NECTIN3: variants seen among roughly 807,000 people sequenced by gnomAD.
NECTIN3 encodes the protein nectin-3.
Under a neutral mutation model 49.4 loss-of-function variants are expected in NECTIN3, and 8 were observed. The observed-to-expected ratio is 0.16, with a 90% CI of 0.10 to 0.29. NECTIN3 has a LOEUF of 0.29. NECTIN3 is among the 10% of genes least tolerant of loss of function. NECTIN3 has a pLI of 1.00. For synonymous variants in NECTIN3, 277 were observed against 241.1 expected (o/e 1.15, Z -1.38); for missense variants, 581 against 654.6 (o/e 0.89, Z 1.23).
At chr3:111,105,906 A>G (rs771848910) in intron 1 of NECTIN3, among the ~76,000 whole-genome samples, 5 of 150,960 alleles carry the variant, frequency 3.3e-5, no homozygotes, top group Non-Finnish European at 7.4e-5. Flanking sequence ...TGTCGTCTCT[A>G]TTCTGTTTCA....
At chr3:111,108,671 C>A (rs2033318823) in intron 1 of NECTIN3, among the ~76,000 whole-genome samples, 1 of 152,050 alleles carries the variant, frequency 6.6e-6, no homozygotes, top group African/African-American at 2.4e-5. Flanking sequence ...CTGGTGAGGG[C>A]CTCAGGAAGC....
chr3:111,166,836 A>G (rs1435441336), intron 7 of NECTIN3, among the ~76,000 whole-genome samples: 1 of 152,250 alleles, frequency 6.6e-6, no homozygotes, highest in Non-Finnish European at 1.5e-5. Context: ...CTAAAACTAT[A>G]TACTATGTAT....
At chr3:111,090,331 A>G (rs911140317) in intron 1 of NECTIN3, among the ~76,000 whole-genome samples, 1 of 151,936 alleles carries the variant, frequency 6.6e-6, no homozygotes, top group African/African-American at 2.4e-5. Context: ...TTTCCTTTGT[A>G]TAATTCTTCA....
intron 4 of NECTIN3, among the ~76,000 whole-genome samples, chr3:111,124,090 G>A (rs1004315292): frequency 3.9e-4 from 60 of 152,028 alleles, no homozygotes; most frequent in African/African-American, 1.4e-3. Flanking sequence ...TTGTCTTTAA[G>A]CCTGGATACT....
In NECTIN3 at chr3:111,072,906, C is replaced by G. The variant is rs575274003; in HGVS notation, c.160+729C>G. The G allele has an allele frequency of 2.8e-5, 6 of 212,642 alleles. No individual in the cohort carries two copies. In the South Asian group the frequency reaches 4.3e-4, roughly 15 times the overall value. 13.2% of individuals were successfully genotyped at this position (212,642 alleles called of 1,614,324 possible). On this transcript the variant is annotated intron_variant, in intron 1 of 5. Coordinates refer to ENST00000485303, the MANE Select transcript of NECTIN3 (RefSeq NM_015480.3). ...TGTTCTAACCAAAACAGTCACGCGC[C>G]TGTTTCCCATCTCTTGACCCTCGTG...
At chr3:111,095,362 G>C (rs745817245) in intron 1 of NECTIN3, among the ~76,000 whole-genome samples, 13 of 152,200 alleles carry the variant, frequency 8.5e-5, no homozygotes, top group African/African-American at 3.1e-4. Context: ...AATATTTGCT[G>C]TTGAGATACT....
At chr3:111,139,612 C>G (rs1343273899), downstream of NECTIN3, among the ~76,000 whole-genome samples, 4 of 151,782 alleles carry the variant, frequency 2.6e-5, no homozygotes, top group Non-Finnish European at 5.9e-5. Flanking sequence ...ATGCCTAGAT[C>G]TATTAACCCT....
chr3:111,084,062 G>A (rs2031788234), intron 1 of NECTIN3, among the ~76,000 whole-genome samples: 1 of 152,214 alleles, frequency 6.6e-6, no homozygotes, highest in African/African-American at 2.4e-5. Context: ...TCCAGGAAAA[G>A]AGATAAGTGG....
rs1031814701 is a variant in NECTIN3, at chr3:111,080,202, A to G, written c.160+8025A>G. Among the ~76,000 whole-genome samples, 3 of 152,146 alleles carry G rather than the reference A, an allele frequency of 2.0e-5. No individual in the cohort carries two copies. The East Asian group carries it at 5.8e-4, about 29-fold the overall frequency. On this transcript the variant is annotated intron_variant, in intron 1 of 5. Transcript: ENST00000485303. Reference sequence around the variant, plus strand: ...ATTATGTTTGCCGTTTTCAATGAGGAAAGATTTTCAACTTCGGGATTCTTA... The same window carrying G: ...ATTATGTTTGCCGTTTTCAATGAGGGAAGATTTTCAACTTCGGGATTCTTA...
At chr3:111,163,886 A>G (rs1282113443) in intron 7 of NECTIN3, among the ~76,000 whole-genome samples, 1 of 152,098 alleles carries the variant, frequency 6.6e-6, no homozygotes, top group South Asian at 2.1e-4. Context: ...GATCAGATCT[A>G]TAAAGTAAAT....
intron 7 of NECTIN3, among the ~76,000 whole-genome samples, chr3:111,160,951 G>T (rs762454911): frequency 9.2e-5 from 14 of 152,226 alleles, no homozygotes; most frequent in Admixed American, 7.9e-4. Context: ...AGCTTGCAGT[G>T]AGCCGAGGTT....
Position 111,192,414 on chromosome 3 carries a change from G to T in NECTIN3, c.63+1G>T. On this transcript the variant is annotated splice_donor_variant, in intron 1 of 1. Transcript: ENST00000485506. LOFTEE classifies it high-confidence loss of function. ...AGAAGTTGGCAATCTTCAGCACTCTGTAAGTAACTGTGTTGTCGGTATCAG... is the reference window on the plus strand; with the variant it reads ...AGAAGTTGGCAATCTTCAGCACTCTTTAAGTAACTGTGTTGTCGGTATCAG... The T allele has an allele frequency of 5.9e-6, 9 of 1,534,242 alleles. No homozygotes were observed. Among genetic ancestry groups the T allele is most frequent in the African/African-American group, 1.4e-5 (1 of 73,134 alleles).
intron 2 of NECTIN3, among the ~76,000 whole-genome samples, chr3:111,116,826 A>C (rs2033707016): frequency 6.6e-6 from 1 of 152,234 alleles, no homozygotes; most frequent in East Asian, 1.9e-4. Flanking sequence ...GATTGCAAAC[A>C]TTGAGAAGTC....
At chr3:111,165,687 C>T (rs922872730) in intron 7 of NECTIN3, among the ~76,000 whole-genome samples, 3 of 152,174 alleles carry the variant, frequency 2.0e-5, no homozygotes, top group Admixed American at 2.0e-4. Flanking sequence ...AAAAAGCCGT[C>T]ACAGATAAGT....
intron 1 of NECTIN3, among the ~76,000 whole-genome samples, chr3:111,081,926 C>A (rs1298846001): frequency 6.6e-6 from 1 of 152,132 alleles, no homozygotes; most frequent in East Asian, 1.9e-4. Context: ...ACTGTGGAGT[C>A]CATCCATGAC....
downstream of NECTIN3, among the ~76,000 whole-genome samples, chr3:111,140,672 A>AT (rs2034719781): frequency 6.6e-6 from 1 of 151,882 alleles, no homozygotes; most frequent in African/African-American, 2.4e-5. Context: ...TACTGGTTAA[A>AT]TCTAGATAAG....
At chr3:111,180,863 T>C (rs971835478) in intron 7 of NECTIN3, among the ~76,000 whole-genome samples, 2 of 152,224 alleles carry the variant, frequency 1.3e-5, no homozygotes, top group African/African-American at 4.8e-5. Context: ...TGTCAATGAC[T>C]TCTCAGTTTA....
chr3:111,158,046 T>A (rs2035133155), intron 7 of NECTIN3, among the ~76,000 whole-genome samples: 1 of 152,060 alleles, frequency 6.6e-6, no homozygotes, highest in Non-Finnish European at 1.5e-5. Flanking sequence ...TAAACAAAAA[T>A]TACTTCAAAT....
intron 1 of NECTIN3, chr3:111,192,554 G>C: frequency 1.2e-6 from 1 of 846,682 alleles, no homozygotes; most frequent in South Asian, 1.9e-5. Context: ...GGTAGTCCTT[G>C]AATTTTACTC....
Sources: allele counts gnomAD v4.1 joint callset (sites outside exome capture counted in the v4.1 genomes callset), GRCh38; gene constraint gnomAD v4.1.1; transcripts MANE v1.5; gene names NCBI Gene and HGNC (gene_info 2026-07-23, HGNC 2026-07-21).